The following ZNF628 variants were observed in gnomAD, a reference collection of about 807,000 sequenced individuals.
ZNF628 encodes zinc finger protein 628.
In ZNF628, 3 loss-of-function variants were observed where a neutral mutation model predicts 2.5. The ratio of observed to expected loss-of-function variants is 1.19; its 90% CI spans 0.54 to 3.07. The LOEUF is 3.07. Ranked by LOEUF, ZNF628 falls within the 30% of genes most tolerant of loss-of-function variation. The pLI, the probability that ZNF628 is intolerant of heterozygous loss-of-function variation, is 0.03. For missense variants in ZNF628, 1,610 were observed against 1,517.1 expected (o/e 1.06, Z -1.02); for synonymous variants, 861 against 717.1 (o/e 1.20, Z -3.21).
rs1986792742 is a variant in ZNF628 at position 55,483,193 on chromosome 19, C to T, written c.2000C>T (p.Ala667Val). ...AAGPQPPAPL[A>V]AARAPPATQD... is the part of the protein sequence containing the mutation. ...GGCCCCCAGCCCCCTGCTCCACTGGCTGCTGCGCGGGCCCCGCCAGCCACC... is the reference window on the plus strand; with the variant it reads ...GGCCCCCAGCCCCCTGCTCCACTGGTTGCTGCGCGGGCCCCGCCAGCCACC... Residue 667 changes from alanine to valine, a missense_variant, in exon 3 of 3, where the codon GCT becomes GTT. Ala to Val is a moderately conservative substitution (Grantham distance 64). Transcript: ENST00000598519. 6.5e-7 allele frequency: 1 copy of T among 1,547,226 alleles called. No individual in the cohort carries two copies. Among genetic ancestry groups the T allele is most frequent in the East Asian group, 2.4e-5 (1 of 41,584 alleles).
chr19:55,477,779 A>C (rs1276629620), intron 1 of ZNF628, among the ~76,000 whole-genome samples: 3 of 152,140 alleles, frequency 2.0e-5, no homozygotes, highest in Non-Finnish European at 4.4e-5. Context: ...AAACAAAAAA[A>C]ACACACAAGT....
chr19:55,476,880 G>C (rs1425910322), intron 1 of ZNF628, 73 bp downstream of exon 1: 1 of 142,850 alleles, frequency 7.0e-6, no homozygotes, highest in Non-Finnish European at 1.5e-5. Context: ...TGGGGCGGGG[G>C]GGGGGGCGTG....
At chr19:55,477,168 G>T (rs1299744461) in intron 1 of ZNF628, among the ~76,000 whole-genome samples, 1 of 152,186 alleles carries the variant, frequency 6.6e-6, no homozygotes, top group Non-Finnish European at 1.5e-5. Flanking sequence ...AAGTGGAGAT[G>T]GGGCTCCAGT....
chr19:55,476,809 TGA>T lies in ZNF628; in HGVS notation c.-78+7_-78+8del, dbSNP rs1259444328. On this transcript the variant is annotated splice_donor_region_variant and intron_variant, in intron 1 of 2. Coordinates refer to ENST00000598519, the MANE Select transcript of ZNF628 (RefSeq NM_033113.3). Reference sequence around the variant, plus strand: ...TCGTTCCCCCGATTGGGGCCGCAGGTGAGAGACCGGAGGGGGTGGGGGTGGGG... The same window carrying T: ...TCGTTCCCCCGATTGGGGCCGCAGGTGAGACCGGAGGGGGTGGGGGTGGGG... The T allele has an allele frequency of 1.0e-5, 1 of 95,624 alleles. No homozygotes were observed. The highest frequency in any genetic ancestry group is 4.1e-5 in the African/African-American group (1 of 24,610). 5.9% of individuals were successfully genotyped at this position (95,624 alleles called of 1,614,324 possible). A position where few individuals can be genotyped will look rare whatever the true frequency, so the allele number is the denominator to read the frequency against.
At position 55,482,708 on chromosome 19, in the gene ZNF628, G is replaced by T; in HGVS notation, c.1515G>T (p.Thr505=). The T allele has an allele frequency of 6.2e-7, 1 of 1,612,530 alleles. No homozygotes were observed. Among genetic ancestry groups the T allele is most frequent in the South Asian group, 1.1e-5 (1 of 91,050 alleles). ...TGGCCATCCACCAGCGGGTGCACAC[G>T]GGCCTGCGGGCCTTCACCTGTGGCC... The part of the protein sequence containing the change: ...SLLAIHQRVH[T]GLRAFTCGQC... The change falls in exon 3 of 3, where the codon ACG becomes ACT. Residue 505 remains threonine, a synonymous_variant. Transcript: ENST00000598519.
chr19:55,483,179 C>T lies in ZNF628; in HGVS notation c.1986C>T (p.Pro662=), dbSNP rs1986791976. 7 of 1,550,212 alleles carry T rather than the reference C, an allele frequency of 4.5e-6. No individual in the cohort carries two copies. The highest frequency in any genetic ancestry group is 1.4e-5 in the African/African-American group (1 of 73,490). Residue 662 remains proline (P), a synonymous_variant, in exon 3 of 3, where the codon CCC becomes CCT. Transcript: ENST00000598519. The part of the protein sequence containing the change: ...STTAPAAGPQ[P]PAPLAAARAP... ...CAGCCCCTGCCGCCGGCCCCCAGCC[C>T]CCTGCTCCACTGGCTGCTGCGCGGG...
rs1197480240 is a variant in ZNF628 at position 55,483,033 on chromosome 19, C to T, written c.1840C>T (p.Arg614Cys). 1.9e-6 allele frequency: 3 copies of T among 1,611,760 alleles called. No individual in the cohort carries two copies. In the African/African-American group the frequency reaches 4.0e-5, roughly 22 times the overall value. ...THSSNLLLHQ[R>C]THSAERPFTC... The stretch of plus-strand genomic sequence containing the variant: ...CTCCTCCAACCTGCTGCTGCACCAG[C>T]GCACGCACTCGGCGGAGCGCCCCTT... Residue 614 changes from arginine (R) to cysteine (C), a missense_variant, in exon 3 of 3, where the codon CGC becomes TGC. By Grantham distance (180) the Arg-to-Cys change is radical. Around this residue, in one of 5 missense-constraint regions of ZNF628, gnomAD observed 21 missense variants for 49.8 expected, o/e 0.42. Coordinates refer to ENST00000598519, the MANE Select transcript of ZNF628 (RefSeq NM_033113.3).
rs751209628 is a variant in ZNF628 at position 55,484,243 on chromosome 19, G to A, written c.3050G>A (p.Gly1017Glu). ...GPASGPAGLP[G>E]APASQMVQVV... is the part of the protein sequence containing the mutation. ...GCCTCGGGCCCCGCGGGGCTCCCCG[G>A]GGCTCCAGCCTCCCAGATGGTGCAA... is the stretch of plus-strand genomic sequence containing the variant. The change falls in exon 3 of 3, where the codon GGG becomes GAG. Residue 1017 changes from glycine (G) to glutamate (E), a missense_variant. Coordinates refer to ENST00000598519, the MANE Select transcript of ZNF628 (RefSeq NM_033113.3). 4 of 1,548,354 alleles carry A rather than the reference G, an allele frequency of 2.6e-6. No homozygotes were observed. In the East Asian group the frequency reaches 7.3e-5, roughly 28 times the overall value.
chr19:55,482,201 C>G lies in ZNF628; in HGVS notation c.1008C>G (p.Asp336Glu). 8 of 1,488,102 alleles carry G rather than the reference C, an allele frequency of 5.4e-6. No individual in the cohort carries two copies. Among genetic ancestry groups the G allele is most frequent in the Non-Finnish European group, 7.1e-6 (8 of 1,124,670 alleles). The allele number at this position is 1,488,102 out of a possible 1,614,324, so 92.2% of individuals were successfully genotyped here. A position where few individuals can be genotyped will look rare whatever the true frequency, so the allele number is the denominator to read the frequency against. ...CACCCGCCGAGGCGCCCAAGGCCGA[C>G]CAGCCACCGTCCCCTCTGCCGCAGC... is the stretch of plus-strand genomic sequence containing the variant. Reference protein sequence around the residue: ...QEAPAEAPKADQPPSPLPQPP... With the variant: ...QEAPAEAPKAEQPPSPLPQPP... Residue 336 changes from aspartate (D) to glutamate (E), a missense_variant, in exon 3 of 3, where the codon GAC (aspartate) becomes GAG (glutamate). Coordinates refer to ENST00000598519, the MANE Select transcript of ZNF628 (RefSeq NM_033113.3).
intron 1 of ZNF628, among the ~76,000 whole-genome samples, chr19:55,477,623 G>A (rs1986589391): frequency 1.3e-5 from 2 of 152,058 alleles, no homozygotes; most frequent in African/African-American, 4.8e-5. Flanking sequence ...TTAGCCGGGC[G>A]CGGTGGCGTG....
In ZNF628 at chr19:55,483,514, T is replaced by G. The variant is rs776626699; in HGVS notation, c.2321T>G (p.Val774Gly). The G allele has an allele frequency of 6.4e-7, 1 of 1,558,676 alleles. No individual in the cohort carries two copies. The highest frequency in any genetic ancestry group is 8.7e-7 in the Non-Finnish European group (1 of 1,151,790). ...AAAGCGGGCCAGGGGGCGGGAGTGG[T>G]CTGGCTGCCAGGCCCTGGGGGTCTA... is the stretch of plus-strand genomic sequence containing the variant. ...VGKAGQGAGV[V>G]WLPGPGGLGV... The change falls in exon 3 of 3, where the codon GTC (valine) becomes GGC (glycine). Residue 774 changes from valine to glycine, a missense_variant. Transcript: ENST00000598519.
Position 55,482,374 on chromosome 19 carries a change from C to T in ZNF628, c.1181C>T (p.Ser394Phe), listed in dbSNP as rs1399105604. Reference protein sequence around the residue: ...QAFRCGSCDGSFPQLASLLAH... With the variant: ...QAFRCGSCDGFFPQLASLLAH... ...TTCCGCTGCGGCAGCTGCGACGGCT[C>T]CTTCCCGCAGCTGGCCAGCCTCCTG... Residue 394 changes from serine (S) to phenylalanine (F), a missense_variant, in exon 3 of 3, where the codon TCC (serine) becomes TTC (phenylalanine). This residue lies in a region of ZNF628 where 651 missense variants were observed against 575.6 expected (regional missense o/e 1.13). Transcript: ENST00000598519. 2.1e-6 allele frequency: 3 copies of T among 1,430,408 alleles called. No individual in the cohort carries two copies. Among genetic ancestry groups the T allele is most frequent in the Non-Finnish European group, 2.7e-6 (3 of 1,095,748 alleles). The allele number at this position is 1,430,408 out of a possible 1,614,324, so 88.6% of individuals were successfully genotyped here. A position where few individuals can be genotyped will look rare whatever the true frequency, so the allele number is the denominator to read the frequency against.
rs1212930539 is a variant in ZNF628, at chr19:55,482,672, C to T, written c.1479C>T (p.Arg493=). ...QCGECGKAFK[R]SSLLAIHQRV... ...GCGAGTGCGGCAAGGCCTTCAAGCG[C>T]TCCTCCCTGCTGGCCATCCACCAGC... Residue 493 remains arginine, a synonymous_variant, in exon 3 of 3, where the codon CGC becomes CGT. Coordinates refer to ENST00000598519, the MANE Select transcript of ZNF628 (RefSeq NM_033113.3). 2 of 1,612,348 alleles carry T rather than the reference C, an allele frequency of 1.2e-6. No homozygotes were observed. The highest frequency in any genetic ancestry group is 2.7e-5 in the African/African-American group (2 of 74,888).
rs550689648 is a variant in ZNF628, at chr19:55,482,972, C to T, written c.1779C>T (p.Pro593=). 4.3e-6 allele frequency: 7 copies of T among 1,611,066 alleles called. No homozygotes were observed. In the South Asian group the frequency reaches 7.7e-5, roughly 18 times the overall value. Residue 593 remains proline (P), a synonymous_variant, in exon 3 of 3, where the codon CCC becomes CCT. Transcript: ENST00000598519. ...QHQRVHTGER[P]FRCPLCPKTF... ...AGCGCGTGCACACGGGCGAGCGGCCCTTCCGCTGCCCGCTCTGCCCCAAGA... is the reference window on the plus strand; with the variant it reads ...AGCGCGTGCACACGGGCGAGCGGCCTTTCCGCTGCCCGCTCTGCCCCAAGA...
At position 55,483,400 on chromosome 19, in the gene ZNF628, CTCCCGCACCTCCCA is replaced by C; in HGVS notation, c.2208_2221del (p.Pro737AlafsTer144). On this transcript the variant is annotated frameshift_variant, in exon 3 of 3. Coordinates refer to ENST00000598519, the MANE Select transcript of ZNF628 (RefSeq NM_033113.3). LOFTEE classifies it low-confidence loss of function (END_TRUNC). ...GTGCAGCCCCCTACACCTCCGCCCCCTCCCGCACCTCCCAAGCTCATCCTGCTGCCCTCCTCCAG... is the reference window on the plus strand; with the variant it reads ...GTGCAGCCCCCTACACCTCCGCCCCCAGCTCATCCTGCTGCCCTCCTCCAG... 6.5e-7 allele frequency: 1 copy of C among 1,529,364 alleles called. No homozygotes were observed. The allele number at this position is 1,529,364 out of a possible 1,614,324, so 94.7% of individuals were successfully genotyped here. A position where few individuals can be genotyped will look rare whatever the true frequency, so the allele number is the denominator to read the frequency against.
rs1986773622 is a variant in ZNF628, at chr19:55,482,894, C to T, written c.1701C>T (p.Ala567=). The T allele has an allele frequency of 2.5e-6, 4 of 1,607,472 alleles. No individual in the cohort carries two copies. In the South Asian group the frequency reaches 3.3e-5, roughly 13 times the overall value. The change falls in exon 3 of 3, where the codon GCC becomes GCT. Residue 567 remains alanine, a synonymous_variant. Coordinates refer to ENST00000598519, the MANE Select transcript of ZNF628 (RefSeq NM_033113.3). ...TGCACACTGGCGAGAGGCCCCACGCCTGCGGTGTCTGCGGCAAGAGCTTCG... is the reference window on the plus strand; with the variant it reads ...TGCACACTGGCGAGAGGCCCCACGCTTGCGGTGTCTGCGGCAAGAGCTTCG... ...RHVHTGERPH[A]CGVCGKSFAQ...
In ZNF628 at chr19:55,483,397, C is replaced by T. The variant is rs1158327768; in HGVS notation, c.2204C>T (p.Pro735Leu). 1.1e-5 allele frequency: 17 copies of T among 1,533,632 alleles called. No homozygotes were observed. Among genetic ancestry groups the T allele is most frequent in the Non-Finnish European group, 7.0e-6 (8 of 1,141,826 alleles). Residue 735 changes from proline (P) to leucine (L), a missense_variant, in exon 3 of 3, where the codon CCC (proline) becomes CTC (leucine). By Grantham distance (98) the Pro-to-Leu change is moderately conservative (BLOSUM62 -3). Transcript: ENST00000598519. ...AGCGTGCAGCCCCCTACACCTCCGC[C>T]CCCTCCCGCACCTCCCAAGCTCATC... ...PSSVQPPTPP[P>L]PPAPPKLILL...
rs927713304 is a variant in ZNF628, at chr19:55,479,120, C to G, written c.-77-714C>G. Among the ~76,000 whole-genome samples, 1 of 151,994 alleles carries G rather than the reference C, an allele frequency of 6.6e-6. No individual in the cohort carries two copies. The highest frequency in any genetic ancestry group is 1.5e-5 in the Non-Finnish European group (1 of 68,014). On this transcript the variant is annotated intron_variant, in intron 1 of 2. Transcript: ENST00000598519. The surrounding 1 kb of genome is among the most constrained non-coding windows in gnomAD (Gnocchi z 5.1). Reference sequence around the variant, plus strand: ...GACAAAGTGGTGCCGGAGCCCCGGGCGCTCCCACATCTAGAGGTCAGGGAG... The same window carrying G: ...GACAAAGTGGTGCCGGAGCCCCGGGGGCTCCCACATCTAGAGGTCAGGGAG...
Position 55,483,176 on chromosome 19 carries a change from G to T in ZNF628, c.1983G>T (p.Gln661His). 6.5e-7 allele frequency: 1 copy of T among 1,548,714 alleles called. No individual in the cohort carries two copies. The highest frequency in any genetic ancestry group is 1.4e-5 in the African/African-American group (1 of 73,560). ...PSTTAPAAGP[Q>H]PPAPLAAARA... ...CCACAGCCCCTGCCGCCGGCCCCCA[G>T]CCCCCTGCTCCACTGGCTGCTGCGC... The change falls in exon 3 of 3, where the codon CAG becomes CAT. Residue 661 changes from glutamine to histidine, a missense_variant. This residue lies in a region of ZNF628 where 712 missense variants were observed against 603.6 expected (regional missense o/e 1.18). Coordinates refer to ENST00000598519, the MANE Select transcript of ZNF628 (RefSeq NM_033113.3).
Sources: gnomAD v4.1 joint callset for allele counts (sites outside exome capture counted in the v4.1 genomes callset) on GRCh38, gnomAD v4.1.1 for gene constraint, gnomAD v4.1.1 regional missense constraint, Gnocchi (gnomAD v3.1) non-coding constraint, MANE v1.5 for transcripts, NCBI Gene and HGNC (gene_info 2026-07-23, HGNC 2026-07-21) for gene names.